Variants in KCNQ5 observed in about 807,000 individuals in gnomAD.
KCNQ5 encodes the protein potassium voltage-gated channel subfamily KQT member 5.
A neutral mutation model predicts 98.2 loss-of-function variants in KCNQ5; 30 were observed. The observed-to-expected ratio is 0.31, with a 90% CI of 0.23 to 0.41. The LOEUF is 0.41. KCNQ5 is among the 10% of genes least tolerant of loss of function. The probability of loss-of-function intolerance (pLI) is 1.00; values close to 1 mark genes in which losing one functional copy is unlikely to be tolerated. For synonymous variants in KCNQ5, 458 were observed against 449.4 expected (o/e 1.02, Z -0.24); for missense variants, 835 against 1,182.5 (o/e 0.71, Z 4.31).
chr6:73,050,620 A>G (rs1772190601), intron 3 of KCNQ5, among the ~76,000 whole-genome samples: 1 of 152,170 alleles, frequency 6.6e-6, no homozygotes, highest in Non-Finnish European at 1.5e-5. Flanking sequence ...ATACACTCCT[A>G]TAAAATTTTC....
Position 72,849,168 on chromosome 6 carries a change from G to GA in KCNQ5, c.399-154739dup, listed in dbSNP as rs1364778448. Among the ~76,000 whole-genome samples, 8 of 151,854 alleles carry GA rather than the reference G, an allele frequency of 5.3e-5. No homozygotes were observed. In the East Asian group the frequency reaches 1.6e-3, roughly 29 times the overall value. On this transcript the variant is annotated intron_variant, in intron 1 of 13. Coordinates refer to ENST00000370398, the MANE Select transcript of KCNQ5 (RefSeq NM_019842.4). Reference sequence around the variant, plus strand: ...CATATGCACACGCACATGCACACCAGATTTTCCTTATGCAGTCATCCTTTG... The same window carrying GA: ...CATATGCACACGCACATGCACACCAGAATTTTCCTTATGCAGTCATCCTTTG...
rs1391822326 is a variant in KCNQ5 at position 72,966,629 on chromosome 6, C to G, written c.399-37279C>G. Among the ~76,000 whole-genome samples the G allele has an allele frequency of 2.0e-5, 3 of 152,040 alleles. No individual in the cohort carries two copies. The East Asian group carries it at 5.8e-4, about 29-fold the overall frequency. On this transcript the variant is annotated intron_variant, in intron 1 of 13. Transcript: ENST00000370398. ...AGAAAAGCATATTTTGAAAGGTATC[C>G]TCTTAAATTTGTGGTGACCCTCAAA...
At chr6:72,944,365 A>G (rs1766443182) in intron 1 of KCNQ5, among the ~76,000 whole-genome samples, 1 of 152,190 alleles carries the variant, frequency 6.6e-6, no homozygotes, top group African/African-American at 2.4e-5. Context: ...CAGAGTGTCA[A>G]ACAAATCAAG....
chr6:73,103,490 G>T (rs55890840), intron 5 of KCNQ5, among the ~76,000 whole-genome samples: 3 of 115,268 alleles, frequency 2.6e-5, no homozygotes, highest in African/African-American at 6.1e-5. Flanking sequence ...TGTCATGGGG[G>T]GGGGGGAGAG....
At chr6:72,859,194 A>G (rs1340709674) in intron 1 of KCNQ5, among the ~76,000 whole-genome samples, 1 of 152,100 alleles carries the variant, frequency 6.6e-6, no homozygotes, top group Non-Finnish European at 1.5e-5. Context: ...GTTGTATTAT[A>G]ATATTTGAAG....
At position 72,778,690 on chromosome 6, in the gene KCNQ5, C is replaced by T. The variant is rs117398954; in HGVS notation, c.398+156103C>T. ...AATAATTTCACAATGTGTATGTATACGAAAACATCATGTTGTGCAGTGTAA... is the reference window on the plus strand; with the variant it reads ...AATAATTTCACAATGTGTATGTATATGAAAACATCATGTTGTGCAGTGTAA... On this transcript the variant is annotated intron_variant, in intron 1 of 13. Coordinates refer to ENST00000370398, the MANE Select transcript of KCNQ5 (RefSeq NM_019842.4). Among the ~76,000 whole-genome samples the T allele has an allele frequency of 5.9e-4, 90 of 152,068 alleles. No individual in the cohort carries two copies. In the East Asian group the frequency reaches 0.015, roughly 25 times the overall value.
rs1339883043 is a variant in KCNQ5 at position 72,797,110 on chromosome 6, AT to A, written c.398+174526del. On this transcript the variant is annotated intron_variant, in intron 1 of 13. Transcript: ENST00000370398. ...GCTTCATGAACATAAATAAATTTTTATTTAATCCTAAATTTATCTGAACTAG... is the reference window on the plus strand; with the variant it reads ...GCTTCATGAACATAAATAAATTTTTATTAATCCTAAATTTATCTGAACTAG... Among the ~76,000 whole-genome samples, 27 of 152,318 alleles carry A rather than the reference AT, an allele frequency of 1.8e-4. 1 individual carries two copies. Among genetic ancestry groups the A allele is most frequent in the Admixed American group, 7.8e-4 (12 of 15,296 alleles).
intron 1 of KCNQ5, among the ~76,000 whole-genome samples, chr6:72,802,709 T>TA (rs1774724903): frequency 6.6e-6 from 1 of 152,064 alleles, no homozygotes; most frequent in African/African-American, 2.4e-5. Flanking sequence ...CATAGAGGAA[T>TA]CCTCTTAAGG....
chr6:72,715,154 T>C (rs1380179709), intron 1 of KCNQ5, among the ~76,000 whole-genome samples: 1 of 152,186 alleles, frequency 6.6e-6, no homozygotes, highest in Non-Finnish European at 1.5e-5. Context: ...TGAATATTTA[T>C]TTAATTTGAC....
chr6:72,640,325 A>C (rs959822013), intron 1 of KCNQ5, among the ~76,000 whole-genome samples: 1 of 151,284 alleles, frequency 6.6e-6, no homozygotes, highest in Non-Finnish European at 1.5e-5. Context: ...TCCTTATATA[A>C]TTGCTGGGCA....
chr6:72,657,381 A>G (rs867420726), intron 1 of KCNQ5, among the ~76,000 whole-genome samples: 19 of 152,334 alleles, frequency 1.2e-4, no homozygotes, highest in African/African-American at 3.8e-4. Context: ...TTCCATATGT[A>G]AGAGAATCAC....
chr6:72,858,725 T>G (rs1330641638), intron 1 of KCNQ5, among the ~76,000 whole-genome samples: 1 of 152,122 alleles, frequency 6.6e-6, no homozygotes, highest in Non-Finnish European at 1.5e-5. Context: ...TGTCTAACGC[T>G]TCCATTCCAA....
At chr6:72,759,926 A>G (rs1772171897) in intron 1 of KCNQ5, among the ~76,000 whole-genome samples, 1 of 152,098 alleles carries the variant, frequency 6.6e-6, no homozygotes, top group Non-Finnish European at 1.5e-5. Context: ...TGTGAGGCTT[A>G]AAAGTATGAT....
intron 1 of KCNQ5, among the ~76,000 whole-genome samples, chr6:72,858,008 A>G (rs943068419): frequency 2.0e-5 from 3 of 152,186 alleles, no homozygotes; most frequent in African/African-American, 7.2e-5. Context: ...AGTAAGAAAA[A>G]TATATTTGAG....
intron 3 of KCNQ5, among the ~76,000 whole-genome samples, chr6:73,063,744 TA>T (rs774998263): frequency 4.0e-5 from 6 of 148,550 alleles, no homozygotes; most frequent in East Asian, 2.0e-4. Flanking sequence ...GATAGATAGA[TA>T]GATAGATAGA....
chr6:72,798,770 C>T (rs1282720008), intron 1 of KCNQ5, among the ~76,000 whole-genome samples: 3 of 152,112 alleles, frequency 2.0e-5, no homozygotes, highest in African/African-American at 7.2e-5. Context: ...GTTCATGGTA[C>T]ACAGACATTA....
intron 1 of KCNQ5, among the ~76,000 whole-genome samples, chr6:72,894,988 C>T (rs913352389): frequency 4.0e-5 from 6 of 151,818 alleles, no homozygotes; most frequent in South Asian, 2.1e-4. Context: ...CAGCTCCACA[C>T]GTTCTGATTC....
intron 1 of KCNQ5, among the ~76,000 whole-genome samples, chr6:72,891,323 A>G (rs560898124): frequency 9.5e-4 from 145 of 152,324 alleles, no homozygotes; most frequent in African/African-American, 3.4e-3. Flanking sequence ...ACACTTGAGT[A>G]TGTGTAAATG....
intron 1 of KCNQ5, among the ~76,000 whole-genome samples, chr6:72,819,091 T>A (rs922665621): frequency 6.6e-6 from 1 of 151,968 alleles, no homozygotes; most frequent in Non-Finnish European, 1.5e-5. Flanking sequence ...AGGGAATTAA[T>A]GTTTGTTTTT....
Sources: gnomAD v4.1 joint callset for allele counts (sites outside exome capture counted in the v4.1 genomes callset) on GRCh38, gnomAD v4.1.1 for gene constraint, MANE v1.5 for transcripts, NCBI Gene and HGNC (gene_info 2026-07-23, HGNC 2026-07-21) for gene names.